Variants in CUX2 observed in about 807,000 individuals in gnomAD.
CUX2 encodes the protein homeobox protein cut-like 2.
In CUX2, 40 loss-of-function variants were observed where a neutral mutation model predicts 144.8. The ratio of observed to expected loss-of-function variants is 0.28; its 90% CI spans 0.21 to 0.36. CUX2 has a LOEUF of 0.36. Ranked by LOEUF, CUX2 falls within the 10% of genes least tolerant of loss-of-function variation. The probability of loss-of-function intolerance (pLI) is 1.00; values close to 1 mark genes in which losing one functional copy is unlikely to be tolerated. For synonymous variants in CUX2, 827 were observed against 875.6 expected, an observed-to-expected ratio of 0.94 and a Z score of 0.98; for missense variants, 1,615 against 1,994.0, an observed-to-expected ratio of 0.81 and a Z score of 3.62.
intron 1 of CUX2, among the ~76,000 whole-genome samples, chr12:111,207,544 T>G (rs1880986184): frequency 6.6e-6 from 1 of 152,080 alleles, no homozygotes; most frequent in Non-Finnish European, 1.5e-5. Context: ...CTGTTTGGAT[T>G]TGGGGGGTTG....
At chr12:111,324,652 C>T (rs1887691088) in intron 18 of CUX2, among the ~76,000 whole-genome samples, 1 of 151,978 alleles carries the variant, frequency 6.6e-6, no homozygotes, top group African/African-American at 2.4e-5. Flanking sequence ...AGGCGTGCGC[C>T]ACCATGCCCA....
Position 111,246,940 on chromosome 12 carries a change from G to A in CUX2, c.223-16821G>A, listed in dbSNP as rs922924473. ...TTTCTGACTCTAGGACTGAGGGGCT[G>A]GGGCTGTGTTTTGTTCATCTTGGCA... On this transcript the variant is annotated intron_variant, in intron 3 of 21. Coordinates refer to ENST00000261726, the MANE Select transcript of CUX2 (RefSeq NM_015267.4). The surrounding 1 kb of genome is among the most constrained non-coding windows in gnomAD (Gnocchi z 4.0). Among the ~76,000 whole-genome samples, 1 of 152,142 alleles carries A rather than the reference G, an allele frequency of 6.6e-6. No homozygotes were observed. The highest frequency in any genetic ancestry group is 1.5e-5 in the Non-Finnish European group (1 of 68,036).
intron 1 of CUX2, among the ~76,000 whole-genome samples, chr12:111,210,876 C>A (rs1881188100): frequency 6.6e-6 from 1 of 151,954 alleles, no homozygotes; most frequent in Middle Eastern, 3.4e-3. Flanking sequence ...GCCCTGAACA[C>A]CCCCCAGCTG....
Position 111,057,356 on chromosome 12 carries a change from C to T in CUX2, c.63+23116C>T, listed in dbSNP as rs113053421. Among the ~76,000 whole-genome samples, 515 of 151,810 alleles carry T rather than the reference C, an allele frequency of 3.4e-3. 2 individuals are homozygous for T. Among genetic ancestry groups the T allele is most frequent in the African/African-American group, 0.011 (466 of 41,374 alleles). ...GTGAGGGAAGTTAGTGGGACAGAGA[C>T]GGCTATGTGAGTGGAGTGGAGTGGG... On this transcript the variant is annotated intron_variant, in intron 1 of 21. Transcript: ENST00000261726. This position sits in a 1 kb window ranked among gnomAD's most constrained non-coding sequence, Gnocchi z 5.1.
chr12:111,180,449 A>G (rs1247686157), intron 1 of CUX2, among the ~76,000 whole-genome samples: 1 of 152,196 alleles, frequency 6.6e-6, no homozygotes, highest in African/African-American at 2.4e-5. Flanking sequence ...GGGCTAAGAA[A>G]TGATCCTTCA....
intron 1 of CUX2, among the ~76,000 whole-genome samples, chr12:111,044,518 C>G (rs999634764): frequency 2.6e-5 from 4 of 151,676 alleles, no homozygotes; most frequent in African/African-American, 9.8e-5. Context: ...CACCTCCCTT[C>G]AGTTAGTTTG....
At position 111,093,882 on chromosome 12, in the gene CUX2, G is replaced by A. The variant is rs7312199; in HGVS notation, c.63+59642G>A. Among the ~76,000 whole-genome samples, 1,122 of 152,324 alleles carry A rather than the reference G, an allele frequency of 7.4e-3. 18 individuals are homozygous for A. Among genetic ancestry groups the A allele is most frequent in the African/African-American group, 0.025 (1,050 of 41,572 alleles). On this transcript the variant is annotated intron_variant, in intron 1 of 21. Coordinates refer to ENST00000261726, the MANE Select transcript of CUX2 (RefSeq NM_015267.4). ...ATGTTGTGTGAAATGGGAGCTTGGCGGAGCCTTTGTGCGGATCTCAAGCTT... is the reference window on the plus strand; with the variant it reads ...ATGTTGTGTGAAATGGGAGCTTGGCAGAGCCTTTGTGCGGATCTCAAGCTT...
intron 3 of CUX2, among the ~76,000 whole-genome samples, chr12:111,256,344 A>C (rs1883816741): frequency 6.6e-6 from 1 of 151,970 alleles, no homozygotes; most frequent in South Asian, 2.1e-4. Context: ...CTCTGAACCC[A>C]GCTCATTCCT....
intron 1 of CUX2, among the ~76,000 whole-genome samples, chr12:111,066,942 A>G (rs1871045687): frequency 6.6e-6 from 1 of 152,196 alleles, no homozygotes; most frequent in African/African-American, 2.4e-5. Flanking sequence ...CACCTGGTAC[A>G]TGGTGAGTCC....
intron 1 of CUX2, among the ~76,000 whole-genome samples, chr12:111,133,910 C>T (rs981580075): frequency 3.3e-5 from 5 of 152,168 alleles, no homozygotes; most frequent in African/African-American, 7.2e-5. Context: ...CCCAGCTTCA[C>T]CAGGGTCTTC....
chr12:111,167,845 C>T (rs1404217629), intron 1 of CUX2, among the ~76,000 whole-genome samples: 1 of 152,084 alleles, frequency 6.6e-6, no homozygotes, highest in African/African-American at 2.4e-5. Flanking sequence ...CAGGTACACG[C>T]CACCACGCCC....
At chr12:111,156,073 C>T (rs1877353505) in intron 1 of CUX2, among the ~76,000 whole-genome samples, 1 of 152,166 alleles carries the variant, frequency 6.6e-6, no homozygotes, top group Admixed American at 6.5e-5. Context: ...AATTTTCATT[C>T]CACCGCCCTG....
intron 1 of CUX2, among the ~76,000 whole-genome samples, chr12:111,154,116 C>T (rs1877230631): frequency 1.3e-5 from 2 of 152,016 alleles, no homozygotes; most frequent in South Asian, 4.2e-4. Flanking sequence ...GTTAGGACTT[C>T]ACCCATATGG....
chr12:111,151,618 C>CGGGAGG (rs1268636170), intron 1 of CUX2, among the ~76,000 whole-genome samples: 9 of 152,164 alleles, frequency 5.9e-5, no homozygotes, highest in Non-Finnish European at 1.3e-4. Context: ...AGACGACTGA[C>CGGGAGG]GCTTGGCTCC....
intron 20 of CUX2, among the ~76,000 whole-genome samples, chr12:111,339,060 C>G (rs574743752): frequency 2.0e-5 from 3 of 152,012 alleles, no homozygotes; most frequent in Admixed American, 2.0e-4. Flanking sequence ...TGGCAAAACC[C>G]TGTCTCTACT....
intron 1 of CUX2, among the ~76,000 whole-genome samples, chr12:111,137,078 C>G (rs557255635): frequency 1.3e-5 from 2 of 151,802 alleles, no homozygotes; most frequent in Admixed American, 1.3e-4. Context: ...GGTGGGACCA[C>G]AGGCACGAGC....
chr12:111,304,098 A>C lies in CUX2; in HGVS notation c.754-112A>C. Reference sequence around the variant, plus strand: ...CAGGGTCCGGGACTAGGAAGGCAGGACCTGAGGCCCTCGGAGGTCTGCCTC... The same window carrying C: ...CAGGGTCCGGGACTAGGAAGGCAGGCCCTGAGGCCCTCGGAGGTCTGCCTC... On this transcript the variant is annotated intron_variant, in intron 9 of 21. Transcript: ENST00000261726. The surrounding 1 kb of genome is among the most constrained non-coding windows in gnomAD (Gnocchi z 4.7). 1 of 764,402 alleles carries C rather than the reference A, an allele frequency of 1.3e-6. No homozygotes were observed. Among genetic ancestry groups the C allele is most frequent in the Non-Finnish European group, 2.2e-6 (1 of 453,150 alleles). The allele number at this position is 764,402 out of a possible 1,614,324, so 47.4% of individuals were successfully genotyped here. A position where few individuals can be genotyped will look rare whatever the true frequency, so the allele number is the denominator to read the frequency against.
chr12:111,329,481 G>T (rs1298394377), intron 18 of CUX2, among the ~76,000 whole-genome samples: 1 of 152,140 alleles, frequency 6.6e-6, no homozygotes, highest in Non-Finnish European at 1.5e-5. Context: ...TCTCCCTGGG[G>T]GAGTGGGATT....
chr12:111,038,712 C>T (rs1231308768), intron 1 of CUX2, among the ~76,000 whole-genome samples: 3 of 152,244 alleles, frequency 2.0e-5, no homozygotes, highest in Non-Finnish European at 4.4e-5. Flanking sequence ...AACGGGCTCT[C>T]TCTTTGAATG....
Sources: gnomAD v4.1 joint callset for allele counts (sites outside exome capture counted in the v4.1 genomes callset) on GRCh38, gnomAD v4.1.1 for gene constraint, Gnocchi (gnomAD v3.1) non-coding constraint, MANE v1.5 for transcripts, NCBI Gene and HGNC (gene_info 2026-07-23, HGNC 2026-07-21) for gene names.